The following CNGB3 variants were observed in gnomAD, a reference collection of about 807,000 sequenced individuals.
CNGB3 encodes the protein cyclic nucleotide-gated channel beta-3.
In CNGB3, 86 loss-of-function variants were observed where a neutral mutation model predicts 92.8. The ratio of observed to expected loss-of-function variants is 0.93; its 90% CI spans 0.78 to 1.11. The LOEUF (loss-of-function observed/expected upper bound fraction) is 1.11, where lower values mean the gene tolerates loss of function less well. Among genes scored for constraint, CNGB3 ranks in the 50% least tolerant of loss-of-function variants. The pLI is 0.00. For missense variants in CNGB3, 1,026 were observed against 956.8 expected, an observed-to-expected ratio of 1.07 and a Z score of -0.95; for synonymous variants, 333 against 332.7, an observed-to-expected ratio of 1.00 and a Z score of -0.01.
intron 6 of CNGB3, 142 bp downstream of exon 6, chr8:86,666,783 C>A: frequency 2.7e-6 from 2 of 741,590 alleles, no homozygotes; most frequent in Middle Eastern, 3.6e-4. Context: ...TAATTGTTTT[C>A]TTGTTATTAT....
At chr8:86,675,430 A>G (rs571583898) in intron 3 of CNGB3, among the ~76,000 whole-genome samples, 33 of 152,170 alleles carry the variant, frequency 2.2e-4, no homozygotes, top group African/African-American at 7.0e-4. Flanking sequence ...TTGTCTTCCT[A>G]TTCTATTCTA....
chr8:86,596,097 C>T lies in CNGB3; in HGVS notation c.1781+7996G>A, dbSNP rs188033989. On this transcript the variant is annotated intron_variant, in intron 15 of 17. Transcript: ENST00000320005. ...AAGAAATGCAGAAGGTAAATGATCA[C>T]GTTTATGAAAATAAATGGGCCCATA... Among the ~76,000 whole-genome samples the T allele has an allele frequency of 9.2e-5, 14 of 152,128 alleles. 1 individual carries two copies. The East Asian group carries it at 9.6e-4, about 10-fold the overall frequency.
At chr8:86,699,032 G>A (rs1442990777) in intron 3 of CNGB3, among the ~76,000 whole-genome samples, 1 of 152,068 alleles carries the variant, frequency 6.6e-6, no homozygotes, top group Non-Finnish European at 1.5e-5. Context: ...CTAGGTGCTG[G>A]GTTTATTTTT....
intron 15 of CNGB3, among the ~76,000 whole-genome samples, chr8:86,595,552 T>G (rs564984789): frequency 1.3e-5 from 2 of 152,204 alleles, no homozygotes; most frequent in Non-Finnish European, 2.9e-5. Context: ...AATGTAAATA[T>G]GTACTCTTAA....
At chr8:86,731,166 A>G (rs1019551766) in intron 2 of CNGB3, among the ~76,000 whole-genome samples, 1 of 152,218 alleles carries the variant, frequency 6.6e-6, no homozygotes, top group Non-Finnish European at 1.5e-5. Context: ...AATTAACAAA[A>G]CAAACACGCA....
At chr8:86,641,596 T>G (rs1197963518) in intron 10 of CNGB3, among the ~76,000 whole-genome samples, 2 of 151,812 alleles carry the variant, frequency 1.3e-5, no homozygotes, top group Non-Finnish European at 2.9e-5. Context: ...CTTTGTGTCT[T>G]TTTTTGGACT....
intron 3 of CNGB3, among the ~76,000 whole-genome samples, chr8:86,693,232 T>A (rs80257802): frequency 0.019 from 2,869 of 152,210 alleles, 88 homozygotes; most frequent in African/African-American, 0.066. Context: ...GCTATGAATT[T>A]CCTGGGTGTT....
At chr8:86,693,079 G>A (rs1018669094) in intron 3 of CNGB3, among the ~76,000 whole-genome samples, 3 of 152,250 alleles carry the variant, frequency 2.0e-5, no homozygotes, top group East Asian at 3.9e-4. Context: ...GGCTTGCAGG[G>A]TTCCTACTGA....
chr8:86,576,012 T>C lies in CNGB3; in HGVS notation c.2222A>G (p.Asp741Gly). 1.9e-6 allele frequency: 3 copies of C among 1,613,092 alleles called. No individual in the cohort carries two copies. Among genetic ancestry groups the C allele is most frequent in the Non-Finnish European group, 1.7e-6 (2 of 1,179,460 alleles). ...EDKGKENEDK[D>G]KGREPEEKPL... ...CTTCTCTTCTGGCTCTCTTCCTTTA[T>C]CTTTATCTTCATTTTCTTTTCCTTT... The change falls in exon 18 of 18, where the codon GAT (aspartate) becomes GGT (glycine). Residue 741 changes from aspartate (D) to glycine (G), a missense_variant. Asp to Gly is a moderately conservative substitution (Grantham distance 94). Coordinates refer to ENST00000320005, the MANE Select transcript of CNGB3 (RefSeq NM_019098.5).
intron 3 of CNGB3, among the ~76,000 whole-genome samples, chr8:86,704,638 G>C (rs1824618726): frequency 1.3e-5 from 2 of 152,294 alleles, no homozygotes; most frequent in Admixed American, 6.5e-5. Flanking sequence ...GGTCCACCAA[G>C]GGACACTGAG....
chr8:86,593,896 C>T (rs1822110658), intron 15 of CNGB3: 3 of 617,800 alleles, frequency 4.9e-6, no homozygotes. Context: ...TGCACCACTG[C>T]TGGTAGTCAC....
At chr8:86,608,800 C>A (rs886770638) in intron 14 of CNGB3, among the ~76,000 whole-genome samples, 2 of 152,210 alleles carry the variant, frequency 1.3e-5, no homozygotes, top group Non-Finnish European at 2.9e-5. Context: ...ACCCACGTGA[C>A]CTTACCTATC....
chr8:86,620,617 G>A (rs1006650426), intron 13 of CNGB3, among the ~76,000 whole-genome samples: 3 of 151,926 alleles, frequency 2.0e-5, no homozygotes, highest in Non-Finnish European at 2.9e-5. Context: ...TCACTCCATG[G>A]GCTCCTACGC....
At chr8:86,718,854 G>A (rs577461922) in intron 3 of CNGB3, among the ~76,000 whole-genome samples, 2 of 151,874 alleles carry the variant, frequency 1.3e-5, no homozygotes, top group Non-Finnish European at 2.9e-5. Flanking sequence ...AGGGATACAG[G>A]GATGGCTTTT....
At chr8:86,597,847 C>T (rs149215356) in intron 15 of CNGB3, among the ~76,000 whole-genome samples, 5 of 152,030 alleles carry the variant, frequency 3.3e-5, no homozygotes, top group East Asian at 1.9e-4. Context: ...CGCACGATGG[C>T]GAAACCTGTA....
chr8:86,605,024 A>G (rs1021566990), intron 14 of CNGB3, among the ~76,000 whole-genome samples: 1 of 152,144 alleles, frequency 6.6e-6, no homozygotes, highest in Non-Finnish European at 1.5e-5. Flanking sequence ...ATGAGCTTCC[A>G]CCGGTGGAGA....
At position 86,632,817 on chromosome 8, in the gene CNGB3, C is replaced by T. The variant is rs372302139; in HGVS notation, c.1255G>A (p.Glu419Lys). 1.2e-6 allele frequency: 2 copies of T among 1,612,868 alleles called. No individual in the cohort carries two copies. Among genetic ancestry groups the T allele is most frequent in the Non-Finnish European group, 1.7e-6 (2 of 1,179,794 alleles). The change falls in exon 11 of 18, where the codon GAA (glutamate) becomes AAA (lysine). Residue 419 changes from glutamate to lysine, a missense_variant. Transcript: ENST00000320005. Reference sequence around the variant, plus strand: ...AAATTCAAGAGTTGAAAAACAATTTCAAATAAAGTTTGTGGTTCTGGAAGG... The same window carrying T: ...AAATTCAAGAGTTGAAAAACAATTTTAAATAAAGTTTGTGGTTCTGGAAGG... Reference protein sequence around the residue: ...GGLPEPQTLFEIVFQLLNFFS... With the variant: ...GGLPEPQTLFKIVFQLLNFFS...
intron 3 of CNGB3, among the ~76,000 whole-genome samples, chr8:86,717,502 G>T (rs961123229): frequency 4.7e-5 from 7 of 148,792 alleles, no homozygotes; most frequent in African/African-American, 1.7e-4. Context: ...GGTGGAGGTT[G>T]CCATGAGCCA....
intron 10 of CNGB3, among the ~76,000 whole-genome samples, chr8:86,638,478 C>T (rs191904779): frequency 6.6e-6 from 1 of 152,180 alleles, no homozygotes; most frequent in Admixed American, 6.5e-5. Context: ...AAAAGTACCC[C>T]TTCTATACTT....
Sources: gnomAD v4.1 joint callset for allele counts (sites outside exome capture counted in the v4.1 genomes callset) on GRCh38, gnomAD v4.1.1 for gene constraint, MANE v1.5 for transcripts, NCBI Gene and HGNC (gene_info 2026-07-23, HGNC 2026-07-21) for gene names.